ZNF34: variants seen among roughly 807,000 people sequenced by gnomAD.
The protein encoded by ZNF34 is zinc finger protein 34 (KOX 32).
ZNF34 carries 8 observed loss-of-function variants against 14.4 expected under a neutral mutation model. The observed-to-expected ratio is 0.55, with a 90% CI of 0.33 to 1.00. The LOEUF (loss-of-function observed/expected upper bound fraction) is 1.00. ZNF34 is among the 50% of genes least tolerant of loss of function. The pLI, the probability that ZNF34 is intolerant of heterozygous loss-of-function variation, is 0.03. For missense variants in ZNF34, 538 were observed against 674.2 expected, an observed-to-expected ratio of 0.80 and a Z score of 2.24; for synonymous variants, 235 against 247.9, an observed-to-expected ratio of 0.95 and a Z score of 0.49.
At position 144,777,358 on chromosome 8, in the gene ZNF34, G is replaced by C. The variant is rs935778427; in HGVS notation, c.280+100C>G. ...TCAGGCCTCCTGTGCTAGCCCCGAT[G>C]AATCTGGCCCACAAACTCCTGATTC... On this transcript the variant is annotated intron_variant, in intron 5 of 5. Transcript: ENST00000429371. The surrounding 1 kb of genome is among the most constrained non-coding windows in gnomAD (Gnocchi z 4.8). 5.5e-6 allele frequency: 8 copies of C among 1,456,412 alleles called. No individual in the cohort carries two copies. In the African/African-American group the frequency reaches 9.8e-5, roughly 18 times the overall value. The allele number at this position is 1,456,412 out of a possible 1,614,324, so 90.2% of individuals were successfully genotyped here.
chr8:144,778,286 AG>A lies in ZNF34; in HGVS notation c.34-123del, dbSNP rs530159005. The A allele has an allele frequency of 1.1e-4, 156 of 1,452,572 alleles. No individual in the cohort carries two copies. The African/African-American group carries it at 2.1e-3, about 20-fold the overall frequency. 90.0% of individuals were successfully genotyped at this position (1,452,572 alleles called of 1,614,324 possible). On this transcript the variant is annotated intron_variant, in intron 3 of 5. Transcript: ENST00000429371. The stretch of plus-strand genomic sequence containing the variant: ...GGGTGGCCTGACCCATCTGCCACCG[AG>A]CCAGCTAATACATCCCAAGGGGTGG...
intron 1 of ZNF34, 115 bp from the exon 2 acceptor site, chr8:144,780,395 A>C: frequency 1.3e-6 from 1 of 798,850 alleles, no homozygotes; most frequent in East Asian, 2.9e-5. Flanking sequence ...CTTTTTATTT[A>C]AGTATATTTT....
rs979862425 is a variant in ZNF34 at position 144,779,766 on chromosome 8, G to A, written c.-55+462C>T. Among the ~76,000 whole-genome samples the A allele has an allele frequency of 2.0e-5, 3 of 152,098 alleles. No homozygotes were observed. The highest frequency in any genetic ancestry group is 4.4e-5 in the Non-Finnish European group (3 of 67,988). ...GTCACCTCTACTGCCTGCTGCCCTCGGGCCGTCTATCCCCCTCCCTGCTCT... is the reference window on the plus strand; with the variant it reads ...GTCACCTCTACTGCCTGCTGCCCTCAGGCCGTCTATCCCCCTCCCTGCTCT... On this transcript the variant is annotated intron_variant, in intron 2 of 5. Transcript: ENST00000429371. The surrounding 1 kb of genome is among the most constrained non-coding windows in gnomAD (Gnocchi z 4.1).
At position 144,773,369 on chromosome 8, in the gene ZNF34, C is replaced by G. The variant is rs1267639015; in HGVS notation, c.1517G>C (p.Gly506Ala). Residue 506 changes from glycine to alanine, a missense_variant, in exon 6 of 6, where the codon GGG (glycine) becomes GCG (alanine). Transcript: ENST00000429371. This position sits in a 1 kb window ranked among gnomAD's most constrained non-coding sequence, Gnocchi z 5.4. Reference protein sequence around the residue: ...YLIQHRRIHTGEKPYKCSECG... With the variant: ...YLIQHRRIHTAEKPYKCSECG... ...CTCGCTGCACTTGTAGGGCTTCTCCCCGGTGTGGATCCTCCGGTGCTGAAT... is the reference window on the plus strand; with the variant it reads ...CTCGCTGCACTTGTAGGGCTTCTCCGCGGTGTGGATCCTCCGGTGCTGAAT... 1 of 1,614,204 alleles carries G rather than the reference C, an allele frequency of 6.2e-7. No individual in the cohort carries two copies. The highest frequency in any genetic ancestry group is 1.1e-5 in the South Asian group (1 of 91,084).
intron 5 of ZNF34, among the ~76,000 whole-genome samples, chr8:144,775,119 G>A (rs1021396082): frequency 2.6e-5 from 4 of 152,246 alleles, no homozygotes; most frequent in Admixed American, 2.6e-4. Flanking sequence ...GTGAGTTCCA[G>A]GTGCAAGCAC....
rs548252812 is a variant in ZNF34 at position 144,782,842 on chromosome 8, C to CAAAAAAAAAAAAAAAA, written c.-107-2578_-107-2563dup. On this transcript the variant is annotated intron_variant, in intron 1 of 5. Transcript: ENST00000429371. The stretch of plus-strand genomic sequence containing the variant: ...ACAGAGACAGAACCAAAGCCTATCT[C>CAAAAAAAAAAAAAAAA]AAAAAAAAAAAAAAAAAAAAAAAAA... Among the ~76,000 whole-genome samples the CAAAAAAAAAAAAAAAA allele has an allele frequency of 7.8e-3, 180 of 22,952 alleles. 13 individuals are homozygous for CAAAAAAAAAAAAAAAA. The highest frequency in any genetic ancestry group is 8.5e-3 in the Non-Finnish European group (133 of 15,646). 15.1% of individuals were successfully genotyped at this position (22,952 alleles called of 152,430 possible).
intron 3 of ZNF34, 28 bp from the exon 4 acceptor site, chr8:144,778,192 A>G: frequency 6.2e-7 from 1 of 1,600,678 alleles, no homozygotes. Context: ...ACTGCAGCCC[A>G]GGTGTGGTCC....
At chr8:144,776,056 G>A (rs1037663533) in intron 5 of ZNF34, among the ~76,000 whole-genome samples, 8 of 152,224 alleles carry the variant, frequency 5.3e-5, no homozygotes, top group Non-Finnish European at 1.2e-4. Context: ...CACAGTGGCT[G>A]TAATCCCAGC....
chr8:144,780,523 C>T (rs1825797772), intron 1 of ZNF34, among the ~76,000 whole-genome samples: 1 of 152,156 alleles, frequency 6.6e-6, no homozygotes, highest in Non-Finnish European at 1.5e-5. Flanking sequence ...TGTGGTGGCT[C>T]ACGCCTGCAA....
intron 2 of ZNF34, 40 bp downstream of exon 2, chr8:144,780,188 C>A: frequency 6.7e-7 from 1 of 1,495,066 alleles, no homozygotes; most frequent in East Asian, 2.5e-5. Context: ...CAAAGCAAAA[C>A]CCTGTCTCAA....
chr8:144,784,957 T>C (rs1455991217), intron 1 of ZNF34, among the ~76,000 whole-genome samples: 3 of 151,290 alleles, frequency 2.0e-5, no homozygotes, highest in Admixed American at 1.3e-4. Flanking sequence ...ACCCCAGCTC[T>C]ACAAAAATTA....
In ZNF34 at chr8:144,779,417, T is replaced by C. The variant is rs1030622123; in HGVS notation, c.-55+811A>G. ...TCCGCACATCCTCACCACCTGCTTCTTTGTTCGATCATCAATAAATAGTGT... is the reference window on the plus strand; with the variant it reads ...TCCGCACATCCTCACCACCTGCTTCCTTGTTCGATCATCAATAAATAGTGT... On this transcript the variant is annotated intron_variant, in intron 2 of 5. Transcript: ENST00000429371. This position sits in a 1 kb window ranked among gnomAD's most constrained non-coding sequence, Gnocchi z 4.1. Among the ~76,000 whole-genome samples, 1 of 152,188 alleles carries C rather than the reference T, an allele frequency of 6.6e-6. No individual in the cohort carries two copies. The highest frequency in any genetic ancestry group is 2.4e-5 in the African/African-American group (1 of 41,446).
chr8:144,782,253 C>T (rs1285453260), intron 1 of ZNF34, among the ~76,000 whole-genome samples: 1 of 152,022 alleles, frequency 6.6e-6, no homozygotes, highest in Non-Finnish European at 1.5e-5. Context: ...AACTGGGAGG[C>T]AGAGGTTACA....
chr8:144,785,434 G>A (rs563701735), intron 1 of ZNF34: 1 of 152,056 alleles, frequency 6.6e-6, no homozygotes, highest in African/African-American at 2.4e-5. Context: ...GTGACATCCG[G>A]GGAGCAGGAG....
Position 144,780,251 on chromosome 8 carries a change from G to A in ZNF34, c.-78C>T. 11 of 1,550,098 alleles carry A rather than the reference G, an allele frequency of 7.1e-6. No homozygotes were observed. The highest frequency in any genetic ancestry group is 9.6e-6 in the Non-Finnish European group (11 of 1,145,924). On this transcript the variant is annotated 5_prime_UTR_variant, in exon 2 of 6. Coordinates refer to ENST00000429371, the MANE Select transcript of ZNF34 (RefSeq NM_001286769.2). ...ACCTACCAGAAGCATGAGACTCTCG[G>A]ATTAGATACATGTGATGCAACTATT...
Position 144,774,314 on chromosome 8 carries a change from T to C in ZNF34, c.572A>G (p.Asn191Ser), listed in dbSNP as rs375745452. 2.5e-5 allele frequency: 41 copies of C among 1,612,484 alleles called. No individual in the cohort carries two copies. The highest frequency in any genetic ancestry group is 4.0e-5 in the African/African-American group (3 of 74,894). The change falls in exon 6 of 6, where the codon AAC becomes AGC. Residue 191 changes from asparagine to serine, a missense_variant. Around this residue, in one of 3 missense-constraint regions of ZNF34, gnomAD observed 431 missense variants for 525.7 expected, o/e 0.82. Coordinates refer to ENST00000429371, the MANE Select transcript of ZNF34 (RefSeq NM_001286769.2). ...QSFEQRSYLN[N>S]HKRVHRSKKT... ...TTTTGACCTGTGTACACGCTTATGG[T>C]TGTTGAGATATGATCTCTGTTCAAA...
intron 1 of ZNF34, among the ~76,000 whole-genome samples, chr8:144,780,996 C>T (rs555416704): frequency 2.4e-4 from 35 of 145,384 alleles, no homozygotes; most frequent in African/African-American, 6.6e-4. Flanking sequence ...ATTAGCCGGG[C>T]GTGGTGGCGG....
chr8:144,786,381 C>T (rs1826238116), intron 1 of ZNF34, among the ~76,000 whole-genome samples: 1 of 151,942 alleles, frequency 6.6e-6, no homozygotes, highest in Non-Finnish European at 1.5e-5. Flanking sequence ...CGCCTGTATT[C>T]CCAGCACTCT....
intron 1 of ZNF34, among the ~76,000 whole-genome samples, chr8:144,786,586 A>T (rs1373730485): frequency 2.6e-5 from 4 of 151,798 alleles, no homozygotes; most frequent in Middle Eastern, 3.2e-3. Context: ...TTGAGCCGAG[A>T]TCGCGCCATC....
Sources: gnomAD v4.1 joint callset for allele counts (sites outside exome capture counted in the v4.1 genomes callset) on GRCh38, gnomAD v4.1.1 for gene constraint, gnomAD v4.1.1 regional missense constraint, Gnocchi (gnomAD v3.1) non-coding constraint, MANE v1.5 for transcripts, NCBI Gene and HGNC (gene_info 2026-07-23, HGNC 2026-07-21) for gene names.